SCAP: variants seen among roughly 807,000 people sequenced by gnomAD.
SCAP encodes the protein SREBF chaperone.
In SCAP, 65 loss-of-function variants were observed where a neutral mutation model predicts 123.6. The ratio of observed to expected loss-of-function variants is 0.53; its 90% CI spans 0.43 to 0.65. The LOEUF is 0.65. SCAP is among the 30% of genes least tolerant of loss of function. SCAP has a pLI of 0.00. For synonymous variants in SCAP, 740 were observed against 726.3 expected, an observed-to-expected ratio of 1.02 and a Z score of -0.30; for missense variants, 1,398 against 1,712.5, an observed-to-expected ratio of 0.82 and a Z score of 3.24.
chr3:47,463,605 C>T (rs941657385), intron 1 of SCAP, among the ~76,000 whole-genome samples: 7 of 151,780 alleles, frequency 4.6e-5, no homozygotes, highest in South Asian at 2.1e-4. Flanking sequence ...AACTGAGGCA[C>T]GAGAATAACT....
Position 47,449,781 on chromosome 3 carries a change from G to C in SCAP, c.-98-6690C>G, listed in dbSNP as rs1341716661. ...ATGGGAAACTCACTACCAGTTCACT[G>C]GTATTTGGAGTTCTGGTTTCCTTCT... On this transcript the variant is annotated intron_variant, in intron 1 of 22. Transcript: ENST00000265565. Among the ~76,000 whole-genome samples, 3 of 123,712 alleles carry C rather than the reference G, an allele frequency of 2.4e-5. 1 individual carries two copies. The highest frequency in any genetic ancestry group is 9.0e-5 in the Admixed American group (1 of 11,126). 81.2% of individuals were successfully genotyped at this position (123,712 alleles called of 152,430 possible).
chr3:47,417,057 T>C, intron 18 of SCAP, 65 bp downstream of exon 18: 4 of 1,436,026 alleles, frequency 2.8e-6, no homozygotes, highest in Non-Finnish European at 3.9e-6. Context: ...AACTCAAGAC[T>C]CAAGAGAGTA....
In SCAP at chr3:47,414,591, G is replaced by A. The variant is rs770001989; in HGVS notation, c.3368C>T (p.Thr1123Met). ...GCTTACCTGGTCAATGTACACGGTC[G>A]TGATGGCCCCTGAGTGGCCCTGAAG... ...FTLQGHSGAI[T>M]TVYIDQTMVL... Residue 1123 changes from threonine to methionine, a missense_variant, in exon 21 of 23, where the codon ACG becomes ATG. This residue lies in a region of SCAP where 44 missense variants were observed against 64.4 expected (regional missense o/e 0.68). Coordinates refer to ENST00000265565, the MANE Select transcript of SCAP (RefSeq NM_012235.4). 8.4e-5 allele frequency: 135 copies of A among 1,613,484 alleles called. No homozygotes were observed. The highest frequency in any genetic ancestry group is 1.6e-4 in the Middle Eastern group (1 of 6,062).
At chr3:47,423,912 C>T in intron 9 of SCAP, 21 bp downstream of exon 9, 1 of 1,572,252 alleles carries the variant, frequency 6.4e-7, no homozygotes, top group Non-Finnish European at 8.8e-7. Flanking sequence ...AGCCCTCTGC[C>T]CAACTCTCCC....
At chr3:47,422,354 G>A (rs1705938852) in intron 10 of SCAP, 88 bp downstream of exon 10, 3 of 1,166,620 alleles carry the variant, frequency 2.6e-6, no homozygotes, top group Non-Finnish European at 3.7e-6. Flanking sequence ...CTGTGCTGAA[G>A]AGGGGAGCAC....
At position 47,418,134 on chromosome 3, in the gene SCAP, C is replaced by G. The variant is rs1705714182; in HGVS notation, c.2447G>C (p.Gly816Ala). The change falls in exon 16 of 23, where the codon GGC becomes GCC. Residue 816 changes from glycine (G) to alanine (A), a missense_variant and splice_region_variant. Around this residue, in one of 7 missense-constraint regions of SCAP, gnomAD observed 828 missense variants for 882.5 expected, o/e 0.94. Coordinates refer to ENST00000265565, the MANE Select transcript of SCAP (RefSeq NM_012235.4). The part of the protein sequence containing the change: ...GDCLTRIPRP[G>A]RQRRDSGVGS... ...AGGAGGAAAGGGCAGCCGCACCTACCCTGGGCGCGGAATGCGCGTTAGGCA... is the reference window on the plus strand; with the variant it reads ...AGGAGGAAAGGGCAGCCGCACCTACGCTGGGCGCGGAATGCGCGTTAGGCA... The G allele has an allele frequency of 6.4e-7, 1 of 1,554,842 alleles. No homozygotes were observed.
At chr3:47,476,776 C>T (rs11716763), upstream of SCAP, among the ~76,000 whole-genome samples, 57,256 of 151,946 alleles carry the variant, frequency 0.38, 11,163 homozygotes, top group East Asian at 0.53. Flanking sequence ...CAGGTCCCCA[C>T]CTGCCCAGCT....
At chr3:47,470,129 G>C (rs1054001319) in intron 1 of SCAP, 6 of 172,342 alleles carry the variant, frequency 3.5e-5, no homozygotes, top group Non-Finnish European at 7.4e-5. Flanking sequence ...ATTATTTTCA[G>C]ATTAAGTTGG....
intron 19 of SCAP, 21 bp downstream of exon 19, chr3:47,415,077 G>C (rs763755265): frequency 1.3e-6 from 2 of 1,589,102 alleles, no homozygotes; most frequent in Non-Finnish European, 1.7e-6. Flanking sequence ...GTGAACACCT[G>C]CCCACCCCAG....
At chr3:47,473,086 A>AAAAAAAAAAAAAAAAAAAAAAC (rs1452211445) in intron 1 of SCAP, among the ~76,000 whole-genome samples, 3 of 144,064 alleles carry the variant, frequency 2.1e-5, no homozygotes, top group South Asian at 2.2e-4. Flanking sequence ...ATCTCAAAAA[A>AAAAAAAAAAAAAAAAAAAAAAC]AAAAAAAAAA....
rs1705666619 is a variant in SCAP at position 47,417,802 on chromosome 3, C to T, written c.2472G>A (p.Val824=). ...RPGRQRRDSG[V]GSGLEAQESW... ...TCTCCTGAGCCTCAAGCCCGCTGCC[C>T]ACGCCACTGTCCCGGCGCTGCCTGC... Residue 824 remains valine, a synonymous_variant, in exon 17 of 23, where the codon GTG becomes GTA. Transcript: ENST00000265565. 1.3e-6 allele frequency: 2 copies of T among 1,518,936 alleles called. No homozygotes were observed. Among genetic ancestry groups the T allele is most frequent in the East Asian group, 2.5e-5 (1 of 39,634 alleles). 94.1% of individuals were successfully genotyped at this position (1,518,936 alleles called of 1,614,324 possible).
intron 1 of SCAP, among the ~76,000 whole-genome samples, chr3:47,462,976 T>A (rs969993116): frequency 6.6e-6 from 1 of 152,108 alleles, no homozygotes; most frequent in African/African-American, 2.4e-5. Context: ...TGTTTGCTGA[T>A]GTCTCTTACA....
At chr3:47,430,380 T>C (rs1156687451) in intron 3 of SCAP, among the ~76,000 whole-genome samples, 2 of 152,178 alleles carry the variant, frequency 1.3e-5, no homozygotes, top group African/African-American at 4.8e-5. Context: ...GTAACAGGCA[T>C]GTCGCGGAGC....
Position 47,413,698 on chromosome 3 carries a change from G to A in SCAP, c.*156C>T. 1 of 1,040,556 alleles carries A rather than the reference G, an allele frequency of 9.6e-7. No individual in the cohort carries two copies. The highest frequency in any genetic ancestry group is 1.6e-5 in the South Asian group (1 of 64,044). 64.5% of individuals were successfully genotyped at this position (1,040,556 alleles called of 1,614,324 possible). A position where few individuals can be genotyped will look rare whatever the true frequency, so the allele number is the denominator to read the frequency against. ...GACACAAGTAGCTCCCAAAGTGCCT[G>A]ACAGATGATGATATGGTTTTTTAAA... On this transcript the variant is annotated 3_prime_UTR_variant, in exon 23 of 23. Coordinates refer to ENST00000265565, the MANE Select transcript of SCAP (RefSeq NM_012235.4).
chr3:47,419,140 A>T lies in SCAP; in HGVS notation c.1940+188T>A, dbSNP rs57815378. On this transcript the variant is annotated intron_variant, in intron 13 of 22. Transcript: ENST00000265565. This position sits in a 1 kb window ranked among gnomAD's most constrained non-coding sequence, Gnocchi z 5.0. ...TGGTGAGGGCTGGCAGCCACCAGTG[A>T]CTCCTCAGAGCAACCTGGGACTCCT... 2.6e-5 allele frequency among the ~76,000 whole-genome samples: 4 copies of T among 151,946 alleles called. No homozygotes were observed. Among genetic ancestry groups the T allele is most frequent in the Admixed American group, 1.3e-4 (2 of 15,262 alleles).
intron 9 of SCAP, 43 bp from the exon 10 acceptor site, chr3:47,422,579 T>C: frequency 6.7e-7 from 1 of 1,498,428 alleles, no homozygotes; most frequent in African/African-American, 1.4e-5. Context: ...ACATGGCCAC[T>C]CTGCGACATG....
chr3:47,435,884 A>T (rs922108345), intron 2 of SCAP, among the ~76,000 whole-genome samples: 1 of 152,094 alleles, frequency 6.6e-6, no homozygotes, highest in Non-Finnish European at 1.5e-5. Flanking sequence ...CCTCATCTCT[A>T]CAGAAAATCA....
chr3:47,469,827 G>T, intron 1 of SCAP: 1 of 586,752 alleles, frequency 1.7e-6, no homozygotes. Flanking sequence ...ACCCTGGGCA[G>T]TTGGCAAGAC....
intron 1 of SCAP, among the ~76,000 whole-genome samples, chr3:47,472,035 G>A (rs962939615): frequency 1.2e-4 from 18 of 152,024 alleles, no homozygotes; most frequent in Admixed American, 1.2e-3. Context: ...AGCTACTCGG[G>A]AGGCTGAGGC....
Sources: gnomAD v4.1 joint callset for allele counts (sites outside exome capture counted in the v4.1 genomes callset) on GRCh38, gnomAD v4.1.1 for gene constraint, gnomAD v4.1.1 regional missense constraint, Gnocchi (gnomAD v3.1) non-coding constraint, MANE v1.5 for transcripts, NCBI Gene and HGNC (gene_info 2026-07-23, HGNC 2026-07-21) for gene names.